The following ZDHHC14 variants were observed in gnomAD, a reference collection of about 807,000 sequenced individuals.
The protein encoded by ZDHHC14 is palmitoyltransferase ZDHHC14.
Under a neutral mutation model 47.7 loss-of-function variants are expected in ZDHHC14, and 16 were observed. The ratio of observed to expected loss-of-function variants is 0.34; its 90% confidence interval spans 0.23 to 0.51. The LOEUF is 0.51. Ranked by LOEUF, ZDHHC14 falls within the 20% of genes least tolerant of loss-of-function variation. The pLI is 0.97. For synonymous variants in ZDHHC14, 293 were observed against 278.9 expected (o/e 1.05, Z -0.50); for missense variants, 515 against 662.5 (o/e 0.78, Z 2.44).
chr6:157,662,749 G>A (rs1327299773), intron 8 of ZDHHC14, among the ~76,000 whole-genome samples: 1 of 152,214 alleles, frequency 6.6e-6, no homozygotes, highest in Non-Finnish European at 1.5e-5. Flanking sequence ...TGAACCCAGA[G>A]ACAGATGTCA....
intron 1 of ZDHHC14, among the ~76,000 whole-genome samples, chr6:157,484,688 A>G (rs17232362): frequency 0.15 from 22,473 of 151,630 alleles, 1,824 homozygotes; most frequent in Middle Eastern, 0.21. Context: ...ACCATGGGCG[A>G]TTTTTGTGAT....
At position 157,586,501 on chromosome 6, in the gene ZDHHC14, G is replaced by T. The variant is rs1783702507; in HGVS notation, c.407-6487G>T. On this transcript the variant is annotated intron_variant, in intron 2 of 8. Coordinates refer to ENST00000359775, the MANE Select transcript of ZDHHC14 (RefSeq NM_024630.3). This position sits in a 1 kb window ranked among gnomAD's most constrained non-coding sequence, Gnocchi z 4.6. ...GGAAGATCGTGCAAGGAGAGAGAAG[G>T]TTCATGGATTGTGTGCTGTATGGGA... 6.6e-6 allele frequency among the ~76,000 whole-genome samples: 1 copy of T among 152,160 alleles called. No homozygotes were observed. The highest frequency in any genetic ancestry group is 1.9e-4 in the East Asian group (1 of 5,182).
At chr6:157,643,677 G>T (rs1219269530) in intron 5 of ZDHHC14, among the ~76,000 whole-genome samples, 6 of 52,958 alleles carry the variant, frequency 1.1e-4, no homozygotes, top group Admixed American at 2.1e-4. Context: ...ATATATATAT[G>T]CTGTATTTTT....
chr6:157,492,565 A>G (rs1351066139), intron 1 of ZDHHC14, among the ~76,000 whole-genome samples: 1 of 152,226 alleles, frequency 6.6e-6, no homozygotes, highest in Non-Finnish European at 1.5e-5. Context: ...GACACAGAAG[A>G]GGAGGCGCTG....
chr6:157,604,007 C>A (rs1490259402), intron 3 of ZDHHC14, among the ~76,000 whole-genome samples: 2 of 152,120 alleles, frequency 1.3e-5, no homozygotes, highest in East Asian at 3.8e-4. Context: ...ATCAAATATA[C>A]TAAGAGAAAA....
At chr6:157,390,454 A>AT (rs1445547403) in intron 1 of ZDHHC14, among the ~76,000 whole-genome samples, 3 of 151,666 alleles carry the variant, frequency 2.0e-5, no homozygotes, top group African/African-American at 4.8e-5. Flanking sequence ...AGTTTTGGAA[A>AT]TTTTTTCATT....
At chr6:157,637,284 G>A (rs1170076199) in intron 5 of ZDHHC14, among the ~76,000 whole-genome samples, 2 of 152,184 alleles carry the variant, frequency 1.3e-5, no homozygotes, top group Non-Finnish European at 2.9e-5. Flanking sequence ...AAAGTCAAGG[G>A]CCACTCAGGG....
At chr6:157,648,002 T>G (rs1294436256) in intron 7 of ZDHHC14, among the ~76,000 whole-genome samples, 1 of 151,842 alleles carries the variant, frequency 6.6e-6, no homozygotes, top group African/African-American at 2.4e-5. Context: ...AGGCACAGAG[T>G]TTAAATAATG....
intron 1 of ZDHHC14, among the ~76,000 whole-genome samples, chr6:157,438,215 G>T (rs1330958341): frequency 2.6e-5 from 4 of 152,182 alleles, no homozygotes; most frequent in African/African-American, 9.7e-5. Flanking sequence ...TTGCTAAGGT[G>T]TCACAAATTT....
chr6:157,503,699 C>G (rs886470642), intron 1 of ZDHHC14, among the ~76,000 whole-genome samples: 7 of 152,100 alleles, frequency 4.6e-5, no homozygotes, highest in Non-Finnish European at 1.0e-4. Context: ...AGGTGGTAGA[C>G]AATCTAAAAA....
At chr6:157,596,008 C>T (rs1784114181) in intron 3 of ZDHHC14, among the ~76,000 whole-genome samples, 1 of 152,170 alleles carries the variant, frequency 6.6e-6, no homozygotes, top group Non-Finnish European at 1.5e-5. Context: ...CTGAGTGGTG[C>T]TCAGGGCCAG....
At chr6:157,451,114 A>G (rs1778794470) in intron 1 of ZDHHC14, among the ~76,000 whole-genome samples, 1 of 151,924 alleles carries the variant, frequency 6.6e-6, no homozygotes, top group Admixed American at 6.6e-5. Context: ...GCTGGGATGC[A>G]TTTGCCACGC....
At chr6:157,597,417 C>T (rs112571811) in intron 3 of ZDHHC14, among the ~76,000 whole-genome samples, 208 of 152,302 alleles carry the variant, frequency 1.4e-3, no homozygotes, top group African/African-American at 4.5e-3. Flanking sequence ...CAGCAGCTTT[C>T]GCTGGAATGC....
intron 1 of ZDHHC14, among the ~76,000 whole-genome samples, chr6:157,408,894 C>T (rs977561990): frequency 1.4e-4 from 21 of 152,174 alleles, no homozygotes; most frequent in African/African-American, 4.6e-4. Context: ...TGTCTTCCTC[C>T]CTGCTTATAA....
chr6:157,641,098 T>A (rs1013454035), intron 5 of ZDHHC14, among the ~76,000 whole-genome samples: 4 of 152,364 alleles, frequency 2.6e-5, no homozygotes, highest in East Asian at 1.9e-4. Flanking sequence ...CTCATTTTTT[T>A]AACTATTTCG....
chr6:157,486,203 G>C (rs977229190), intron 1 of ZDHHC14, among the ~76,000 whole-genome samples: 6 of 152,124 alleles, frequency 3.9e-5, no homozygotes, highest in Non-Finnish European at 8.8e-5. Flanking sequence ...GAGAAACAAG[G>C]CTCTCCCATA....
intron 1 of ZDHHC14, among the ~76,000 whole-genome samples, chr6:157,471,369 C>T (rs897709749): frequency 1.3e-5 from 2 of 152,206 alleles, no homozygotes; most frequent in African/African-American, 4.8e-5. Context: ...TCACATTTTC[C>T]CGATGATTTC....
intron 1 of ZDHHC14, among the ~76,000 whole-genome samples, chr6:157,441,776 T>C (rs144822026): frequency 1.3e-5 from 2 of 152,240 alleles, no homozygotes; most frequent in East Asian, 3.9e-4. Flanking sequence ...AGGAAGAGGT[T>C]GCAGTGAGCC....
intron 1 of ZDHHC14, among the ~76,000 whole-genome samples, chr6:157,483,871 T>C (rs1402181167): frequency 6.6e-6 from 1 of 152,018 alleles, no homozygotes; most frequent in Non-Finnish European, 1.5e-5. Context: ...TTCTGTGTAG[T>C]TAAAAATAGA....
Sources: allele counts gnomAD v4.1 joint callset (sites outside exome capture counted in the v4.1 genomes callset), GRCh38; gene constraint gnomAD v4.1.1; non-coding constraint Gnocchi (gnomAD v3.1); transcripts MANE v1.5; gene names NCBI Gene and HGNC (gene_info 2026-07-23, HGNC 2026-07-21).